APLP2: variants seen among roughly 807,000 people sequenced by gnomAD.
APLP2 encodes the protein CDEI box-binding protein.
Under a neutral mutation model 89.9 loss-of-function variants are expected in APLP2, and 53 were observed. The observed-to-expected ratio is 0.59, with a 90% CI of 0.47 to 0.74. The LOEUF (loss-of-function observed/expected upper bound fraction) is 0.74. Ranked by LOEUF, APLP2 falls within the 30% of genes least tolerant of loss-of-function variation. APLP2 has a pLI of 0.00. For missense variants in APLP2, 973 were observed against 975.9 expected, an observed-to-expected ratio of 1.00 and a Z score of 0.04; for synonymous variants, 372 against 348.6, an observed-to-expected ratio of 1.07 and a Z score of -0.75.
At chr11:130,083,965 G>T (rs914820975) in intron 1 of APLP2, among the ~76,000 whole-genome samples, 2 of 152,206 alleles carry the variant, frequency 1.3e-5, no homozygotes, top group Admixed American at 6.5e-5. Flanking sequence ...CCGATTTCTC[G>T]GCCGGGCGCG....
chr11:130,080,525 T>G (rs1266966807), intron 1 of APLP2, among the ~76,000 whole-genome samples: 1 of 151,272 alleles, frequency 6.6e-6, no homozygotes, highest in Non-Finnish European at 1.5e-5. Context: ...TTTATACAGG[T>G]GCTTACAGAC....
intron 1 of APLP2, among the ~76,000 whole-genome samples, chr11:130,083,807 T>C (rs1451131262): frequency 6.6e-6 from 1 of 152,260 alleles, no homozygotes; most frequent in Non-Finnish European, 1.5e-5. Context: ...CATATATCTG[T>C]CTGGGATAAT....
intron 1 of APLP2, among the ~76,000 whole-genome samples, chr11:130,071,438 C>CA (rs1350687852): frequency 1.3e-5 from 2 of 152,198 alleles, no homozygotes; most frequent in Non-Finnish European, 2.9e-5. Flanking sequence ...AGTGTGTCCA[C>CA]ACAATGGTCA....
chr11:130,135,478 G>T, intron 12 of APLP2, 85 bp from the exon 13 acceptor site: 2 of 1,444,348 alleles, frequency 1.4e-6, no homozygotes. Flanking sequence ...AGCCACAGTG[G>T]GGTCTTGGAG....
chr11:130,101,283 A>G (rs1477435023), intron 1 of APLP2: 1 of 152,120 alleles, frequency 6.6e-6, no homozygotes, highest in East Asian at 1.9e-4. Context: ...GGTTCATGCC[A>G]TTCTCCTGCC....
intron 1 of APLP2, among the ~76,000 whole-genome samples, chr11:130,082,333 G>C (rs551652705): frequency 6.6e-6 from 1 of 151,972 alleles, no homozygotes; most frequent in Non-Finnish European, 1.5e-5. Context: ...ACAGGTGCCC[G>C]CCATCACGCC....
intron 1 of APLP2, among the ~76,000 whole-genome samples, chr11:130,078,112 T>C (rs1471005129): frequency 6.6e-6 from 1 of 152,148 alleles, no homozygotes; most frequent in Admixed American, 6.5e-5. Context: ...TATTTCCTTA[T>C]AGTATTACCT....
intron 1 of APLP2, among the ~76,000 whole-genome samples, chr11:130,083,465 G>A (rs187557098): frequency 9.1e-4 from 138 of 152,264 alleles, no homozygotes; most frequent in Admixed American, 3.1e-3. Flanking sequence ...CTTGCAAAAC[G>A]GAAACTTTAT....
chr11:130,137,159 G>A lies in APLP2; in HGVS notation c.1837+1444G>A, dbSNP rs1233391387. 7 of 1,113,708 alleles carry A rather than the reference G, an allele frequency of 6.3e-6. No homozygotes were observed. The East Asian group carries it at 1.2e-4, about 20-fold the overall frequency. 69.0% of individuals were successfully genotyped at this position (1,113,708 alleles called of 1,614,324 possible). On this transcript the variant is annotated intron_variant, in intron 13 of 16. Transcript: ENST00000338167. ...GAATACTTTTTGTTCACATTATAGA[G>A]AAATTCTAAGATAGAAATTTTAAAA... is the stretch of plus-strand genomic sequence containing the variant.
In APLP2 at chr11:130,095,687, AAG is replaced by A. The variant is rs141001854; in HGVS notation, c.106-13738_106-13737del. 1.5e-3 allele frequency among the ~76,000 whole-genome samples: 233 copies of A among 152,344 alleles called. 5 individuals are homozygous for A. The East Asian group carries it at 0.04, about 26-fold the overall frequency. On this transcript the variant is annotated intron_variant, in intron 1 of 16. Transcript: ENST00000338167. The stretch of plus-strand genomic sequence containing the variant: ...GAGTCACTTGACAAAAATTAAAATT[AAG>A]AGAATGGAAACTTGCCATCTTGCAT...
intron 9 of APLP2, 134 bp from the exon 10 acceptor site, chr11:130,128,914 C>A: frequency 1.1e-6 from 1 of 912,596 alleles, no homozygotes; most frequent in Non-Finnish European, 1.6e-6. Context: ...TTGGATCTTA[C>A]CCTTGCTCCA....
chr11:130,082,479 C>T (rs537370854), intron 1 of APLP2: 9 of 154,130 alleles, frequency 5.8e-5, no homozygotes, highest in Non-Finnish European at 8.7e-5. Flanking sequence ...CCACCTCATC[C>T]GGTCTCAGTT....
intron 13 of APLP2, among the ~76,000 whole-genome samples, chr11:130,136,553 G>A (rs903464700): frequency 6.6e-6 from 1 of 152,152 alleles, no homozygotes; most frequent in Non-Finnish European, 1.5e-5. Context: ...TGCAGTCACA[G>A]ACCTGACTGG....
At chr11:130,079,035 A>G (rs1464106069) in intron 1 of APLP2, among the ~76,000 whole-genome samples, 2 of 151,964 alleles carry the variant, frequency 1.3e-5, no homozygotes, top group Non-Finnish European at 1.5e-5. Flanking sequence ...GAAAATTGAC[A>G]TTTTTCAAAT....
chr11:130,121,956 C>A, intron 5 of APLP2, 146 bp downstream of exon 5: 1 of 1,291,244 alleles, frequency 7.7e-7, no homozygotes, highest in Non-Finnish European at 1.1e-6. Flanking sequence ...GCATTTCATT[C>A]TAGCCATTGC....
At position 130,135,606 on chromosome 11, in the gene APLP2, T is replaced by C. The variant is rs1951477063; in HGVS notation, c.1728T>C (p.Thr576=). Residue 576 remains threonine (T), a synonymous_variant, in exon 13 of 17, where the codon ACT becomes ACC. Coordinates refer to ENST00000338167, the MANE Select transcript of APLP2 (RefSeq NM_001142276.2). Reference sequence around the variant, plus strand: ...AGCGTGCAGATATGGACCAGTTCACTGCCTCAATCTCAGAGACCCCTGTGG... The same window carrying C: ...AGCGTGCAGATATGGACCAGTTCACCGCCTCAATCTCAGAGACCCCTGTGG... ...QEQRADMDQF[T]ASISETPVDV... is the part of the protein sequence containing the mutation. 1.2e-6 allele frequency: 2 copies of C among 1,614,182 alleles called. No homozygotes were observed. Among genetic ancestry groups the C allele is most frequent in the Non-Finnish European group, 1.7e-6 (2 of 1,180,020 alleles).
chr11:130,077,087 G>A (rs935681895), intron 1 of APLP2, among the ~76,000 whole-genome samples: 2 of 152,170 alleles, frequency 1.3e-5, no homozygotes, highest in African/African-American at 4.8e-5. Context: ...CTGCTACAGG[G>A]GCATTCCCTG....
chr11:130,072,331 C>G (rs1046631672), intron 1 of APLP2, among the ~76,000 whole-genome samples: 4 of 152,126 alleles, frequency 2.6e-5, no homozygotes, highest in African/African-American at 9.7e-5. Context: ...TGCCAGTTTT[C>G]TGGAAACTCA....
intron 1 of APLP2, among the ~76,000 whole-genome samples, chr11:130,079,829 G>A (rs1241231439): frequency 6.6e-6 from 1 of 152,152 alleles, no homozygotes; most frequent in Non-Finnish European, 1.5e-5. Flanking sequence ...AACTGTTTTT[G>A]CAATTTATAT....
Sources: gnomAD v4.1 joint callset for allele counts (sites outside exome capture counted in the v4.1 genomes callset) on GRCh38, gnomAD v4.1.1 for gene constraint, MANE v1.5 for transcripts, NCBI Gene and HGNC (gene_info 2026-07-23, HGNC 2026-07-21) for gene names.